SH3D19: variants seen among roughly 807,000 people sequenced by gnomAD.
SH3D19 encodes SH3 domain containing 19, also known as SH3 domain-containing protein 19.
Under a neutral mutation model 112.1 loss-of-function variants are expected in SH3D19, and 58 were observed. The ratio of observed to expected loss-of-function variants is 0.52; its 90% CI spans 0.42 to 0.64. The LOEUF is 0.64. Among genes scored for constraint, SH3D19 ranks in the 30% least tolerant of loss-of-function variants. The probability of loss-of-function intolerance (pLI) is 0.00; values close to 1 mark genes in which losing one functional copy is unlikely to be tolerated. For missense variants in SH3D19, 1,090 were observed against 1,263.4 expected, an observed-to-expected ratio of 0.86 and a Z score of 2.08; for synonymous variants, 391 against 448.5, an observed-to-expected ratio of 0.87 and a Z score of 1.62.
intron 1 of SH3D19, among the ~76,000 whole-genome samples, chr4:151,270,319 C>G (rs1284260189): frequency 6.6e-6 from 1 of 152,052 alleles, no homozygotes; most frequent in Admixed American, 6.6e-5. Flanking sequence ...GTACTATCCT[C>G]AAAATAGTGT....
intron 1 of SH3D19, among the ~76,000 whole-genome samples, chr4:151,241,021 C>T (rs1412457890): frequency 1.3e-5 from 2 of 151,756 alleles, no homozygotes; most frequent in Non-Finnish European, 2.9e-5. Flanking sequence ...AAGAAGCCAG[C>T]CAGGTGTAAT....
At chr4:151,287,824 G>A (rs1774960459) in intron 1 of SH3D19, among the ~76,000 whole-genome samples, 4 of 152,144 alleles carry the variant, frequency 2.6e-5, no homozygotes, top group African/African-American at 9.7e-5. Context: ...AGGCCACAGT[G>A]AGCAGTGTTT....
chr4:151,164,682 T>A (rs1268545277), intron 8 of SH3D19, among the ~76,000 whole-genome samples: 1 of 151,566 alleles, frequency 6.6e-6, no homozygotes, highest in African/African-American at 2.4e-5. Flanking sequence ...CAGGTTCAAG[T>A]GATTCTCCTG....
Position 151,325,407 on chromosome 4 carries a change from C to T in SH3D19, c.-55G>A, listed in dbSNP as rs991804770. The T allele has an allele frequency of 3.1e-6, 3 of 958,858 alleles. No individual in the cohort carries two copies. Among genetic ancestry groups the T allele is most frequent in the Non-Finnish European group, 4.0e-6 (3 of 751,304 alleles). The allele number at this position is 958,858 out of a possible 1,614,324, so 59.4% of individuals were successfully genotyped here. On this transcript the variant is annotated 5_prime_UTR_variant, in exon 1 of 20. Coordinates refer to ENST00000604030, the MANE Select transcript of SH3D19 (RefSeq NM_001378122.1). ...GGCCAGCGAGCTGCGGCCCCGGCGC[C>T]CCAGAACGCCTGCACCCGGCGCCCC...
intron 2 of SH3D19, among the ~76,000 whole-genome samples, chr4:151,217,746 T>C (rs1580221167): frequency 6.6e-6 from 1 of 152,180 alleles, no homozygotes; most frequent in African/African-American, 2.4e-5. Flanking sequence ...TGCAACATCA[T>C]TTCTAACTGC....
At chr4:151,167,617 C>A (rs934723400) in intron 7 of SH3D19, among the ~76,000 whole-genome samples, 1 of 152,190 alleles carries the variant, frequency 6.6e-6, no homozygotes, top group Admixed American at 6.5e-5. Context: ...TGACTGGGTG[C>A]CTGCTATGCA....
At chr4:151,325,020 C>T (rs1467910212) in intron 1 of SH3D19, among the ~76,000 whole-genome samples, 2 of 152,182 alleles carry the variant, frequency 1.3e-5, no homozygotes, top group East Asian at 1.9e-4. Context: ...TTCAGCTGTA[C>T]GACCACTAGC....
At position 151,158,691 on chromosome 4, in the gene SH3D19, A is replaced by T. The variant is rs557320238; in HGVS notation, c.1755+549T>A. Among the ~76,000 whole-genome samples, 639 of 151,878 alleles carry T rather than the reference A, an allele frequency of 4.2e-3. 3 individuals carry two copies. Among genetic ancestry groups the T allele is most frequent in the Non-Finnish European group, 6.7e-3 (452 of 67,902 alleles). ...ACAAAAGTTGGAAGACCAAAAAAAA[A>T]AAATAAATAAAAGTATTGAGGATAT... On this transcript the variant is annotated intron_variant, in intron 9 of 19. Transcript: ENST00000604030.
intron 1 of SH3D19, among the ~76,000 whole-genome samples, chr4:151,276,965 A>AC (rs111388299): frequency 8.0e-4 from 121 of 152,008 alleles, no homozygotes; most frequent in South Asian, 1.7e-3. Flanking sequence ...GGCGCCACAG[A>AC]CCCCAGTTCC....
intron 1 of SH3D19, among the ~76,000 whole-genome samples, chr4:151,292,408 A>T (rs887409651): frequency 2.6e-5 from 4 of 152,232 alleles, no homozygotes; most frequent in African/African-American, 9.6e-5. Flanking sequence ...CCTACTACGA[A>T]CAATGGATTA....
chr4:151,322,431 TAAAAAAAAA>T (rs57301959), intron 1 of SH3D19, among the ~76,000 whole-genome samples: 1 of 38,432 alleles, frequency 2.6e-5, no homozygotes, highest in African/African-American at 8.2e-5. Context: ...AGACTCTGCC[TAAAAAAAAA>T]AAAAAAAAAA....
At chr4:151,255,225 T>C (rs1351232138) in intron 1 of SH3D19, among the ~76,000 whole-genome samples, 1 of 127,716 alleles carries the variant, frequency 7.8e-6, no homozygotes, top group Non-Finnish European at 1.6e-5. Flanking sequence ...TCCTCACTTC[T>C]CAGACGGGGC....
At chr4:151,133,006 CATA>C in intron 16 of SH3D19, 25 bp downstream of exon 16, 1 of 1,573,202 alleles carries the variant, frequency 6.4e-7, no homozygotes, top group Non-Finnish European at 8.7e-7. Flanking sequence ...TAGGACATAA[CATA>C]ATAAAAAAAA....
intron 1 of SH3D19, among the ~76,000 whole-genome samples, chr4:151,269,038 C>G (rs1003407365): frequency 3.3e-5 from 5 of 152,182 alleles, no homozygotes; most frequent in African/African-American, 9.7e-5. Flanking sequence ...AATGGTTGAA[C>G]TAGTTTACAG....
intron 14 of SH3D19, among the ~76,000 whole-genome samples, chr4:151,137,020 A>G (rs1379336761): frequency 6.6e-6 from 1 of 152,214 alleles, no homozygotes; most frequent in Non-Finnish European, 1.5e-5. Context: ...AAGTTATATC[A>G]GGGACCGAGT....
At chr4:151,149,914 G>A (rs12501643) in intron 9 of SH3D19, among the ~76,000 whole-genome samples, 10,334 of 151,788 alleles carry the variant, frequency 0.068, 597 homozygotes, top group East Asian at 0.19. Context: ...GGCCGGGCAC[G>A]GTGGCTCACG....
Position 151,238,205 on chromosome 4 carries a change from C to T in SH3D19, c.113-12119G>A, listed in dbSNP as rs116166492. Among the ~76,000 whole-genome samples the T allele has an allele frequency of 5.5e-3, 842 of 152,130 alleles. 5 individuals are homozygous for T. Among genetic ancestry groups the T allele is most frequent in the African/African-American group, 0.019 (794 of 41,506 alleles). On this transcript the variant is annotated intron_variant, in intron 1 of 19. Transcript: ENST00000604030. The stretch of plus-strand genomic sequence containing the variant: ...TTCTAAGACTTAAGAGAAGAGTCCC[C>T]AAATGAATTTTCTGAGTAGGATGAA...
chr4:151,297,289 T>G (rs1421580441), intron 1 of SH3D19, among the ~76,000 whole-genome samples: 2 of 152,270 alleles, frequency 1.3e-5, no homozygotes, highest in Non-Finnish European at 2.9e-5. Context: ...TCTACTACTA[T>G]GTAAGCCTTC....
intron 1 of SH3D19, among the ~76,000 whole-genome samples, chr4:151,319,806 C>T (rs1580483058): frequency 6.6e-6 from 1 of 152,278 alleles, no homozygotes; most frequent in East Asian, 1.9e-4. Context: ...AAAAGCACCA[C>T]ATAAATGTAA....
Sources: gnomAD v4.1 joint callset for allele counts (sites outside exome capture counted in the v4.1 genomes callset) on GRCh38, gnomAD v4.1.1 for gene constraint, MANE v1.5 for transcripts, NCBI Gene and HGNC (gene_info 2026-07-23, HGNC 2026-07-21) for gene names.